PPID: variants seen among roughly 807,000 people sequenced by gnomAD.
PPID encodes peptidylprolyl isomerase D, also known as peptidyl-prolyl cis-trans isomerase D.
PPID carries 47 observed loss-of-function variants against 48.1 expected under a neutral mutation model. The observed-to-expected ratio is 0.98, with a 90% CI of 0.77 to 1.25. PPID has a LOEUF of 1.25. Among genes scored for constraint, PPID ranks in the 50% most tolerant of loss-of-function variants. PPID has a pLI of 0.00. For missense variants in PPID, 429 were observed against 443.5 expected, an observed-to-expected ratio of 0.97 and a Z score of 0.29; for synonymous variants, 163 against 148.8, an observed-to-expected ratio of 1.10 and a Z score of -0.69.
Position 158,713,160 on chromosome 4 carries a change from T to G in PPID, c.853A>C (p.Lys285Gln). The G allele has an allele frequency of 6.2e-7, 1 of 1,614,092 alleles. No homozygotes were observed. The highest frequency in any genetic ancestry group is 1.1e-5 in the South Asian group (1 of 91,082). ...CVLNIGACKL[K>Q]MSNWQGAIDS... The stretch of plus-strand genomic sequence containing the variant: ...ATTGCTCCCTGCCAATTTGACATCT[T>G]CAGTTTACAAGCACCAATATTCAGT... Residue 285 changes from lysine to glutamine, a missense_variant, in exon 7 of 10, where the codon AAG becomes CAG. Coordinates refer to ENST00000307720, the MANE Select transcript of PPID (RefSeq NM_005038.3).
chr4:158,715,104 T>C (rs551764796), intron 6 of PPID, among the ~76,000 whole-genome samples, 193 bp downstream of exon 6: 1 of 152,254 alleles, frequency 6.6e-6, no homozygotes, highest in East Asian at 1.9e-4. Context: ...TGAGTAATTA[T>C]GTACTACTCG....
At position 158,723,353 on chromosome 4, in the gene PPID, A is replaced by G; in HGVS notation, c.-65T>C. Reference sequence around the variant, plus strand: ...CCTAGTGGCCGCCCGGGCCGCCCAAACTCCAGAGTCCGTCTCCGCCGGAGA... The same window carrying G: ...CCTAGTGGCCGCCCGGGCCGCCCAAGCTCCAGAGTCCGTCTCCGCCGGAGA... On this transcript the variant is annotated 5_prime_UTR_variant, in exon 1 of 10. Transcript: ENST00000307720. 6.7e-7 allele frequency: 1 copy of G among 1,485,384 alleles called. No homozygotes were observed. Among genetic ancestry groups the G allele is most frequent in the Non-Finnish European group, 9.3e-7 (1 of 1,072,938 alleles). The allele number at this position is 1,485,384 out of a possible 1,614,324, so 92.0% of individuals were successfully genotyped here.
intron 1 of PPID, 24 bp downstream of exon 1, chr4:158,723,180 C>A: frequency 6.2e-7 from 1 of 1,604,762 alleles, no homozygotes; most frequent in South Asian, 1.1e-5. Flanking sequence ...CGGGGCTTTT[C>A]CGCGAGCGTC....
intron 2 of PPID, 132 bp from the exon 3 acceptor site, chr4:158,719,418 C>A: frequency 1.6e-6 from 1 of 624,570 alleles, no homozygotes; most frequent in Admixed American, 3.2e-5. Flanking sequence ...TTGTCGCTCC[C>A]CACCCGTCTC....
chr4:158,719,911 GA>G (rs1460764126), intron 2 of PPID, among the ~76,000 whole-genome samples: 1 of 152,170 alleles, frequency 6.6e-6, no homozygotes, highest in African/African-American at 2.4e-5. Context: ...GAGATGACGG[GA>G]AAGACACAGG....
At position 158,710,783 on chromosome 4, in the gene PPID, T is replaced by G. The variant is rs1248495241; in HGVS notation, c.960A>C (p.Leu320Phe). ...LYRRAQGWQG[L>F]KEYDQALADL... The stretch of plus-strand genomic sequence containing the variant: ...TTACCAATGCTTGATCATATTCTTT[T>G]AATCCTTGCCATCCTTGAGCTCTGC... The change falls in exon 8 of 10, where the codon TTA becomes TTC. Residue 320 changes from leucine to phenylalanine, a missense_variant. Transcript: ENST00000307720. 6.2e-7 allele frequency: 1 copy of G among 1,613,908 alleles called. No homozygotes were observed. Among genetic ancestry groups the G allele is most frequent in the Admixed American group, 1.7e-5 (1 of 60,026 alleles).
Position 158,710,803 on chromosome 4 carries a change from C to T in PPID, c.940G>A (p.Ala314Thr), listed in dbSNP as rs1479958003. The change falls in exon 8 of 10, where the codon GCT becomes ACT. Residue 314 changes from alanine to threonine, a missense_variant. Physicochemically the swap from Ala to Thr is moderately conservative, Grantham distance 58. Coordinates refer to ENST00000307720, the MANE Select transcript of PPID (RefSeq NM_005038.3). ...TCTTTTAATCCTTGCCATCCTTGAG[C>T]TCTGCGGTACAATGCTTTGGTATTT... ...PSNTKALYRRAQGWQGLKEYD... is the reference protein window; with the variant it reads ...PSNTKALYRRTQGWQGLKEYD... The T allele has an allele frequency of 3.1e-6, 5 of 1,613,950 alleles. No homozygotes were observed. In the Admixed American group the frequency reaches 8.3e-5, roughly 27 times the overall value.
rs574939780 is a variant in PPID, at chr4:158,723,371, G to C, written c.-83C>G. 22 of 1,382,780 alleles carry C rather than the reference G, an allele frequency of 1.6e-5. No individual in the cohort carries two copies. The highest frequency in any genetic ancestry group is 5.8e-5 in the African/African-American group (4 of 69,404). 85.7% of individuals were successfully genotyped at this position (1,382,780 alleles called of 1,614,324 possible). ...CGCCCAAACTCCAGAGTCCGTCTCCGCCGGAGACCGGCAGCGACGCTGACC... is the reference window on the plus strand; with the variant it reads ...CGCCCAAACTCCAGAGTCCGTCTCCCCCGGAGACCGGCAGCGACGCTGACC... On this transcript the variant is annotated 5_prime_UTR_variant, in exon 1 of 10. Coordinates refer to ENST00000307720, the MANE Select transcript of PPID (RefSeq NM_005038.3).
In PPID at chr4:158,717,095, CAT is replaced by C. The variant is rs368268182; in HGVS notation, c.437_438del (p.His146ArgfsTer8). On this transcript the variant is annotated frameshift_variant, in exon 4 of 10. Transcript: ENST00000307720. LOFTEE classifies it high-confidence loss of function. ...TVPTPHLDGK[H>X]VVFGQVIKGI... ...CCTTTAATTACTTGGCCAAACACCA[CAT>C]GTTTCCCATCCAAATGAGGAGTTGG... is the stretch of plus-strand genomic sequence containing the variant. 1.3e-3 allele frequency: 2,071 copies of C among 1,614,098 alleles called. 9 individuals are homozygous for C. The East Asian group carries it at 0.014, about 11-fold the overall frequency.
At chr4:158,722,537 A>G (rs536801449) in intron 1 of PPID, among the ~76,000 whole-genome samples, 1 of 152,252 alleles carries the variant, frequency 6.6e-6, no homozygotes, top group South Asian at 2.1e-4. Flanking sequence ...TTGCCTGGCC[A>G]GCAATTCCAA....
At chr4:158,721,210 G>A (rs1436028974) in intron 2 of PPID, 133 bp downstream of exon 2, 23 of 1,062,508 alleles carry the variant, frequency 2.2e-5, no homozygotes, top group Middle Eastern at 2.5e-4. Context: ...ACGAAACTGC[G>A]TTACTGCCTC....
At chr4:158,718,345 T>C (rs1774903852) in intron 3 of PPID, among the ~76,000 whole-genome samples, 1 of 152,218 alleles carries the variant, frequency 6.6e-6, no homozygotes, top group Non-Finnish European at 1.5e-5. Context: ...ATGACTTCCA[T>C]AATAATTCAG....
In PPID at chr4:158,709,747, T is replaced by G. The variant is rs759016469; in HGVS notation, c.1102A>C (p.Met368Leu). The G allele has an allele frequency of 6.2e-7, 1 of 1,604,466 alleles. No homozygotes were observed. Among genetic ancestry groups the G allele is most frequent in the Admixed American group, 1.7e-5 (1 of 59,830 alleles). Residue 368 changes from methionine to leucine, a missense_variant, in exon 10 of 10, where the codon ATG becomes CTG. Coordinates refer to ENST00000307720, the MANE Select transcript of PPID (RefSeq NM_005038.3). ...KDKEKAVYAKMFA is the reference protein window; with the variant it reads ...KDKEKAVYAKLFA ...AAACTGAATCCTTTCTAAGCAAACA[T>G]TTTTGCATATACTGCCTTCTCTTTA... is the stretch of plus-strand genomic sequence containing the variant.
chr4:158,716,776 G>A (rs1225370765), intron 4 of PPID, among the ~76,000 whole-genome samples: 1 of 152,070 alleles, frequency 6.6e-6, no homozygotes, highest in Non-Finnish European at 1.5e-5. Context: ...TGGCCAACAT[G>A]GTGAAACCCC....
At chr4:158,716,953 C>G in intron 4 of PPID, 59 bp downstream of exon 4, 1 of 1,512,054 alleles carries the variant, frequency 6.6e-7, no homozygotes, top group South Asian at 1.1e-5. Context: ...ATCGAGACTC[C>G]GTCTCAAAAA....
In PPID at chr4:158,716,996, G is replaced by GT; in HGVS notation, c.522+15dup. ...ACTAAGATAATAAGTGTATTTCACT[G>GT]TAACTTTTTACTTACTTTAGCAGGT... On this transcript the variant is annotated intron_variant, in intron 4 of 9. Transcript: ENST00000307720. 6.3e-7 allele frequency: 1 copy of GT among 1,596,932 alleles called. No individual in the cohort carries two copies. Among genetic ancestry groups the GT allele is most frequent in the Non-Finnish European group, 8.6e-7 (1 of 1,164,898 alleles).
rs1194397416 is a variant in PPID, at chr4:158,721,343, T to C, written c.226A>G (p.Ile76Val). Residue 76 changes from isoleucine (I) to valine (V), a missense_variant and splice_region_variant, in exon 2 of 10, where the codon ATT (isoleucine) becomes GTT (valine). By Grantham distance (29) the Ile-to-Val change is conservative (BLOSUM62 3). Transcript: ENST00000307720. ...LHFKGCPFHR[I>V]IKKFMIQGGD... ...CAAGATTAAGAAAATTTACACATAC[T>C]TCGATGAAAAGGGCATCCTTTGAAA... 1 of 1,613,908 alleles carries C rather than the reference T, an allele frequency of 6.2e-7. No homozygotes were observed. The highest frequency in any genetic ancestry group is 8.5e-7 in the Non-Finnish European group (1 of 1,179,820).
Position 158,715,323 on chromosome 4 carries a change from A to T in PPID, c.726T>A (p.Ala242=), listed in dbSNP as rs1179529277. ...TTAAAACTTCTGCATATTTTTTAAT[A>T]GCCATCTCCCAGTTCTGGGATTTGA... ...TFFKSQNWEM[A]IKKYAEVLRY... is the part of the protein sequence containing the mutation. Residue 242 remains alanine, a synonymous_variant, in exon 6 of 10, where the codon GCT becomes GCA. Transcript: ENST00000307720. 2.0e-6 allele frequency: 3 copies of T among 1,526,964 alleles called. No homozygotes were observed. Among genetic ancestry groups the T allele is most frequent in the Non-Finnish European group, 1.8e-6 (2 of 1,139,002 alleles). The allele number at this position is 1,526,964 out of a possible 1,614,324, so 94.6% of individuals were successfully genotyped here. A position where few individuals can be genotyped will look rare whatever the true frequency, so the allele number is the denominator to read the frequency against.
At chr4:158,717,802 G>T (rs1200637674) in intron 3 of PPID, among the ~76,000 whole-genome samples, 1 of 152,128 alleles carries the variant, frequency 6.6e-6, no homozygotes. Flanking sequence ...TCACCTCTTC[G>T]GAGAGTGCTC....
Sources: allele counts gnomAD v4.1 joint callset (sites outside exome capture counted in the v4.1 genomes callset), GRCh38; gene constraint gnomAD v4.1.1; transcripts MANE v1.5; gene names NCBI Gene and HGNC (gene_info 2026-07-23, HGNC 2026-07-21).